ANKS1A: variants seen among roughly 807,000 people sequenced by gnomAD.
ANKS1A encodes ankyrin repeat and sterile alpha motif domain containing 1A.
In ANKS1A, 55 loss-of-function variants were observed where a neutral mutation model predicts 120.3. The ratio of observed to expected loss-of-function variants is 0.46; its 90% confidence interval spans 0.37 to 0.57. The LOEUF is 0.57. Ranked by LOEUF, ANKS1A falls within the 20% of genes least tolerant of loss-of-function variation. The pLI is 0.00. For synonymous variants in ANKS1A, 590 were observed against 604.7 expected (o/e 0.98, Z 0.36); for missense variants, 1,123 against 1,480.3 (o/e 0.76, Z 3.96).
In ANKS1A at chr6:34,898,520, A is replaced by G. The variant is rs534320193; in HGVS notation, c.197+8921A>G. Among the ~76,000 whole-genome samples, 5 of 152,332 alleles carry G rather than the reference A, an allele frequency of 3.3e-5. No homozygotes were observed. In the South Asian group the frequency reaches 1.0e-3, roughly 32 times the overall value. ...GTAGGTCAGGTTTTGCAGCTAAATG[A>G]CTGCTGCTAACTTATGAAAATATAT... On this transcript the variant is annotated intron_variant, in intron 1 of 23. Transcript: ENST00000360359.
chr6:34,959,199 G>A (rs1209049740), intron 1 of ANKS1A, among the ~76,000 whole-genome samples: 4 of 152,178 alleles, frequency 2.6e-5, no homozygotes, highest in African/African-American at 9.7e-5. Flanking sequence ...TTCTTCTGTC[G>A]CTGTGTTTTA....
intron 11 of ANKS1A, among the ~76,000 whole-genome samples, chr6:35,018,571 A>G (rs1246560697): frequency 1.3e-5 from 2 of 151,992 alleles, no homozygotes; most frequent in East Asian, 1.9e-4. Flanking sequence ...TTCAGGGGGT[A>G]CATGTGCAGG....
intron 12 of ANKS1A, 38 bp downstream of exon 12, chr6:35,054,203 G>T: frequency 6.3e-7 from 1 of 1,597,692 alleles, no homozygotes; most frequent in East Asian, 2.2e-5. Context: ...ACAGAAACTG[G>T]CAGTCTGGCT....
chr6:34,985,086 C>T lies in ANKS1A; in HGVS notation c.1017C>T (p.Asp339=), dbSNP rs548787769. ...TGCCCTCCATCCTCCTCTCAGGTGA[C>T]GTGGAGAAAGCAGTGACTGAACTGA... ...MDSISQKSQG[D]VEKAVTELII... Residue 339 remains aspartate (D), a synonymous_variant, in exon 8 of 24, where the codon GAC becomes GAT. Transcript: ENST00000360359. The T allele has an allele frequency of 2.3e-4, 377 of 1,612,570 alleles. 1 individual carries two copies. In the South Asian group the frequency reaches 3.8e-3, roughly 16 times the overall value.
At chr6:35,022,428 G>A (rs1287838661) in intron 11 of ANKS1A, among the ~76,000 whole-genome samples, 1 of 152,176 alleles carries the variant, frequency 6.6e-6, no homozygotes, top group East Asian at 1.9e-4. Flanking sequence ...ACTACCCTGA[G>A]CAACATGACT....
chr6:34,943,294 TAC>T (rs1172842761), intron 1 of ANKS1A, among the ~76,000 whole-genome samples: 1 of 152,176 alleles, frequency 6.6e-6, no homozygotes, highest in Non-Finnish European at 1.5e-5. Flanking sequence ...GCTCAAAAAG[TAC>T]AGAGAGTTCC....
At chr6:35,055,352 CGG>C (rs1340707667) in intron 12 of ANKS1A, among the ~76,000 whole-genome samples, 1 of 150,550 alleles carries the variant, frequency 6.6e-6, no homozygotes, top group Non-Finnish European at 1.5e-5. Context: ...TTTTTTGAGA[CGG>C]AGTCTCACTC....
At position 34,889,675 on chromosome 6, in the gene ANKS1A, T is replaced by C. The variant is rs2273007; in HGVS notation, c.197+76T>C. The C allele has an allele frequency of 0.083, 100,377 of 1,207,704 alleles. 5,000 individuals are homozygous for C. Among genetic ancestry groups the C allele is most frequent in the East Asian group, 0.29 (7,711 of 26,640 alleles). 74.8% of individuals were successfully genotyped at this position (1,207,704 alleles called of 1,614,324 possible). A position where few individuals can be genotyped will look rare whatever the true frequency, so the allele number is the denominator to read the frequency against. On this transcript the variant is annotated intron_variant, in intron 1 of 23. Coordinates refer to ENST00000360359, the MANE Select transcript of ANKS1A (RefSeq NM_015245.3). This position sits in a 1 kb window ranked among gnomAD's most constrained non-coding sequence, Gnocchi z 5.5. The stretch of plus-strand genomic sequence containing the variant: ...CCCGTCTCTTGGGTCCCCAGAGAGA[T>C]CGGGGGTCCTGAGACTCGGGCGGGG...
In ANKS1A at chr6:35,088,707, C is replaced by A; in HGVS notation, c.*98C>A. 1 of 1,612,398 alleles carries A rather than the reference C, an allele frequency of 6.2e-7. No homozygotes were observed. The highest frequency in any genetic ancestry group is 8.5e-7 in the Non-Finnish European group (1 of 1,179,506). On this transcript the variant is annotated 3_prime_UTR_variant, in exon 24 of 24. Coordinates refer to ENST00000360359, the MANE Select transcript of ANKS1A (RefSeq NM_015245.3). ...TCGCCTCACCTGCAGCTCTGAAGAC[C>A]CAGGCCTCACCTCCGCCTGCAGGAC...
intron 11 of ANKS1A, among the ~76,000 whole-genome samples, chr6:35,041,512 T>C (rs1340422359): frequency 6.6e-6 from 1 of 152,196 alleles, no homozygotes; most frequent in African/African-American, 2.4e-5. Context: ...ACTCCATAAT[T>C]GCAACTTGCA....
At chr6:34,958,293 G>T (rs888084962) in intron 1 of ANKS1A, among the ~76,000 whole-genome samples, 25 of 152,142 alleles carry the variant, frequency 1.6e-4, no homozygotes, top group African/African-American at 4.6e-4. Context: ...ACAGCCGCCA[G>T]TGCACCCCAA....
chr6:34,911,707 C>G (rs890083888), intron 1 of ANKS1A, among the ~76,000 whole-genome samples: 4 of 152,220 alleles, frequency 2.6e-5, no homozygotes, highest in African/African-American at 9.6e-5. Context: ...GGAAGCTTTT[C>G]TCTTCAGCTA....
At chr6:34,975,685 G>A (rs1460555225) in intron 3 of ANKS1A, among the ~76,000 whole-genome samples, 1 of 151,788 alleles carries the variant, frequency 6.6e-6, no homozygotes, top group African/African-American at 2.4e-5. Flanking sequence ...GATAGTTTGA[G>A]CCCAGGAGGT....
chr6:34,955,652 C>T (rs982760268), intron 1 of ANKS1A, among the ~76,000 whole-genome samples: 2 of 152,138 alleles, frequency 1.3e-5, no homozygotes, highest in Non-Finnish European at 2.9e-5. Context: ...CCTGGATACC[C>T]ATCTTCCTCT....
chr6:34,922,153 A>G (rs1768466791), intron 1 of ANKS1A, among the ~76,000 whole-genome samples: 1 of 152,066 alleles, frequency 6.6e-6, no homozygotes, highest in South Asian at 2.1e-4. Flanking sequence ...TATAAAAGTA[A>G]GAAGAACACA....
At chr6:35,097,797 G>C in the ANKS1A span, among the ~76,000 whole-genome samples, 17 of 152,254 alleles carry the variant, frequency 1.1e-4, no homozygotes, top group African/African-American at 2.9e-4. Flanking sequence ...AGTTCAGTTG[G>C]TCTTAGTTAA....
chr6:34,961,620 C>T (rs978184243), intron 1 of ANKS1A, among the ~76,000 whole-genome samples: 4 of 152,082 alleles, frequency 2.6e-5, no homozygotes, highest in Admixed American at 6.5e-5. Flanking sequence ...AGTTAGAAAA[C>T]GATGAAAGGC....
rs1346099420 is a variant in ANKS1A at position 34,938,848 on chromosome 6, C to T, written c.198-28391C>T. ...ACAAAAACTACAAAAATTTGCCGGG[C>T]GTGGTGGCGCACGCCTGTAATCCCA... On this transcript the variant is annotated intron_variant, in intron 1 of 23. Coordinates refer to ENST00000360359, the MANE Select transcript of ANKS1A (RefSeq NM_015245.3). Among the ~76,000 whole-genome samples the T allele has an allele frequency of 5.3e-5, 8 of 152,298 alleles. No individual in the cohort carries two copies. In the East Asian group the frequency reaches 7.7e-4, roughly 15 times the overall value.
rs2127620398 is a variant in ANKS1A at position 35,090,054 on chromosome 6, T to C, written c.*1445T>C. 8.0e-7 allele frequency: 1 copy of C among 1,251,142 alleles called. No homozygotes were observed. The highest frequency in any genetic ancestry group is 1.0e-6 in the Non-Finnish European group (1 of 968,408). 77.5% of individuals were successfully genotyped at this position (1,251,142 alleles called of 1,614,324 possible). On this transcript the variant is annotated 3_prime_UTR_variant, in exon 24 of 24. Transcript: ENST00000360359. ...TGGCCAGAAATCAGAAGTGGGGCTG[T>C]GTCTCTGACTGGCTAGAGGCCAGGC...
Sources: gnomAD v4.1 joint callset for allele counts (sites outside exome capture counted in the v4.1 genomes callset) on GRCh38, gnomAD v4.1.1 for gene constraint, Gnocchi (gnomAD v3.1) non-coding constraint, MANE v1.5 for transcripts, NCBI Gene and HGNC (gene_info 2026-07-23, HGNC 2026-07-21) for gene names.